Variants in SYT1 observed in about 807,000 individuals in gnomAD.
The protein encoded by SYT1 is synaptotagmin 1.
SYT1 carries 8 observed loss-of-function variants against 44.8 expected under a neutral mutation model. That is an observed-to-expected ratio of 0.18 (90% CI 0.10 to 0.32). SYT1 has a LOEUF of 0.32. Among genes scored for constraint, SYT1 ranks in the 10% least tolerant of loss-of-function variants. SYT1 has a pLI of 1.00. For missense variants in SYT1, 286 were observed against 509.3 expected (o/e 0.56, Z 4.22); for synonymous variants, 154 against 188.8 (o/e 0.82, Z 1.51).
At chr12:79,070,484 C>T (rs1876190156) in intron 3 of SYT1, among the ~76,000 whole-genome samples, 1 of 151,980 alleles carries the variant, frequency 6.6e-6, no homozygotes, top group African/African-American at 2.4e-5. Context: ...CTTAAAAATG[C>T]AGCATTCTTT....
intron 9 of SYT1, chr12:79,419,182 T>A: frequency 2.2e-6 from 1 of 459,850 alleles, no homozygotes; most frequent in South Asian, 1.7e-5. Context: ...TCTATAAGAA[T>A]TTTTAAATTT....
chr12:78,961,998 A>G (rs1010856583), intron 1 of SYT1, among the ~76,000 whole-genome samples: 6 of 152,160 alleles, frequency 3.9e-5, no homozygotes, highest in Admixed American at 1.3e-4. Context: ...AATTGTATTG[A>G]GACGAATGTA....
chr12:78,969,228 AT>A (rs1216660354), intron 1 of SYT1, among the ~76,000 whole-genome samples: 1 of 152,202 alleles, frequency 6.6e-6, no homozygotes, highest in Non-Finnish European at 1.5e-5. Context: ...ATACTACAAC[AT>A]TTTATATCAG....
chr12:79,319,167 A>T (rs984297470), intron 8 of SYT1, among the ~76,000 whole-genome samples: 4 of 152,152 alleles, frequency 2.6e-5, no homozygotes, highest in African/African-American at 9.7e-5. Flanking sequence ...ATTTTGGTTT[A>T]AAAAATGCCA....
intron 9 of SYT1, among the ~76,000 whole-genome samples, chr12:79,418,687 C>A (rs1868907207): frequency 6.6e-6 from 1 of 152,028 alleles, no homozygotes; most frequent in South Asian, 2.1e-4. Context: ...AGTAGAGAGA[C>A]AATTAGTGGA....
chr12:79,375,808 G>T (rs1883971028), intron 9 of SYT1, among the ~76,000 whole-genome samples: 1 of 151,872 alleles, frequency 6.6e-6, no homozygotes, highest in African/African-American at 2.4e-5. Context: ...TATAAACCAG[G>T]TACCTAGCAG....
rs1211972880 is a variant in SYT1, at chr12:79,041,827, A to G, written c.-83-5470A>G. On this transcript the variant is annotated intron_variant, in intron 2 of 10. Coordinates refer to ENST00000261205, the MANE Select transcript of SYT1 (RefSeq NM_005639.3). Reference sequence around the variant, plus strand: ...AATACCTAATTTATTGAGAGTTTTTAGCATGAAGGGTTGTTGAATTTTGTC... The same window carrying G: ...AATACCTAATTTATTGAGAGTTTTTGGCATGAAGGGTTGTTGAATTTTGTC... Among the ~76,000 whole-genome samples the G allele has an allele frequency of 7.7e-3, 1,175 of 152,094 alleles. 57 individuals carry two copies. The highest frequency in any genetic ancestry group is 0.07 in the Admixed American group (1,063 of 15,258).
intron 3 of SYT1, among the ~76,000 whole-genome samples, chr12:79,196,954 T>C (rs1452821196): frequency 6.6e-6 from 1 of 152,246 alleles, no homozygotes; most frequent in Non-Finnish European, 1.5e-5. Flanking sequence ...GTTAATGCAA[T>C]AACAATTACA....
chr12:78,964,885 A>G (rs1213240361), intron 1 of SYT1, among the ~76,000 whole-genome samples: 1 of 152,150 alleles, frequency 6.6e-6, no homozygotes, highest in Non-Finnish European at 1.5e-5. Flanking sequence ...CTTTACTTTT[A>G]TATATAACAA....
chr12:79,383,969 T>C (rs1301445991), intron 9 of SYT1, among the ~76,000 whole-genome samples: 1 of 152,196 alleles, frequency 6.6e-6, no homozygotes, highest in Non-Finnish European at 1.5e-5. Flanking sequence ...GAAACTAGAA[T>C]CTTTTAGAAG....
chr12:79,154,511 A>G (rs971214026), intron 3 of SYT1, among the ~76,000 whole-genome samples: 5 of 151,756 alleles, frequency 3.3e-5, no homozygotes, highest in Admixed American at 3.3e-4. Flanking sequence ...AAGCAGTCTG[A>G]CCCCAGAATC....
chr12:79,249,625 C>G (rs1016797237), intron 4 of SYT1, among the ~76,000 whole-genome samples: 4 of 152,096 alleles, frequency 2.6e-5, no homozygotes, highest in African/African-American at 4.8e-5. Flanking sequence ...TGCTAAGTAC[C>G]TGCAGGAAGG....
chr12:79,158,200 C>T (rs148710710), intron 3 of SYT1, among the ~76,000 whole-genome samples: 27 of 152,112 alleles, frequency 1.8e-4, no homozygotes, highest in African/African-American at 5.5e-4. Context: ...AGAATCAGTG[C>T]GATCCCTGAG....
intron 3 of SYT1, among the ~76,000 whole-genome samples, chr12:79,079,785 C>T (rs1441219362): frequency 5.3e-5 from 8 of 152,020 alleles, no homozygotes; most frequent in Admixed American, 4.6e-4. Context: ...ATAAAATACA[C>T]TGAAGTGATA....
At chr12:79,089,527 A>T (rs1262390652) in intron 3 of SYT1, among the ~76,000 whole-genome samples, 2 of 150,374 alleles carry the variant, frequency 1.3e-5, no homozygotes, top group Non-Finnish European at 3.0e-5. Context: ...AAAAAAAAAA[A>T]GGCTTGTGCC....
intron 1 of SYT1, among the ~76,000 whole-genome samples, chr12:78,950,774 C>T (rs1270575646): frequency 1.3e-5 from 2 of 152,024 alleles, no homozygotes; most frequent in East Asian, 1.9e-4. Context: ...TTTTCCTTAA[C>T]CACAAATCTC....
At chr12:79,043,291 T>C (rs1360553552) in intron 2 of SYT1, among the ~76,000 whole-genome samples, 3 of 150,974 alleles carry the variant, frequency 2.0e-5, no homozygotes, top group Non-Finnish European at 4.4e-5. Flanking sequence ...CAGGACTTGC[T>C]TTATGAATCT....
chr12:79,422,675 GCTCTCTCT>G (rs151278469), intron 9 of SYT1, among the ~76,000 whole-genome samples: 1 of 147,864 alleles, frequency 6.8e-6, no homozygotes, highest in Non-Finnish European at 1.5e-5. Flanking sequence ...GGTTGCTCGT[GCTCTCTCT>G]CTCTCTCTCT....
intron 8 of SYT1, 90 bp downstream of exon 8, chr12:79,299,641 A>AGGGGGATGTGGGCCTCTAGTTGTT: frequency 6.7e-7 from 1 of 1,485,730 alleles, no homozygotes; most frequent in African/African-American, 1.4e-5. Flanking sequence ...CTCTTTACAA[A>AGGGGGATGTGGGCCTCTAGTTGTT]GGGGGATGTG....
Sources: allele counts gnomAD v4.1 joint callset (sites outside exome capture counted in the v4.1 genomes callset), GRCh38; gene constraint gnomAD v4.1.1; transcripts MANE v1.5; gene names NCBI Gene and HGNC (gene_info 2026-07-23, HGNC 2026-07-21).